The following YEATS2 variants were observed in gnomAD, a reference collection of about 807,000 sequenced individuals.
YEATS2 encodes the protein YEATS domain-containing protein 2.
In YEATS2, 77 loss-of-function variants were observed where a neutral mutation model predicts 163.2. That is an observed-to-expected ratio of 0.47 (90% CI 0.39 to 0.57). YEATS2 has a LOEUF of 0.57. Among genes scored for constraint, YEATS2 ranks in the 20% least tolerant of loss-of-function variants. The pLI is 0.00. For synonymous variants in YEATS2, 631 were observed against 645.1 expected (o/e 0.98, Z 0.33); for missense variants, 1,549 against 1,729.8 (o/e 0.90, Z 1.85).
chr3:183,790,905 G>A lies in YEATS2; in HGVS notation c.3022G>A (p.Ala1008Thr). 6.2e-7 allele frequency: 1 copy of A among 1,614,160 alleles called. No individual in the cohort carries two copies. The highest frequency in any genetic ancestry group is 8.5e-7 in the Non-Finnish European group (1 of 1,180,028). Reference protein sequence around the residue: ...SQATVGTCKAATPTVVSATSL... With the variant: ...SQATVGTCKATTPTVVSATSL... ...GGCCACCGTGGGAACCTGCAAGGCT[G>A]CCACCCCCACCGTCGTCAGCGCCAC... is the stretch of plus-strand genomic sequence containing the variant. Residue 1008 changes from alanine to threonine, a missense_variant, in exon 21 of 31, where the codon GCC (alanine) becomes ACC (threonine). By Grantham distance (58) the Ala-to-Thr change is moderately conservative (BLOSUM62 0). Coordinates refer to ENST00000305135, the MANE Select transcript of YEATS2 (RefSeq NM_018023.5).
At chr3:183,807,942 C>T (rs1418444445) in intron 28 of YEATS2, 88 bp from the exon 29 acceptor site, 28 of 1,120,404 alleles carry the variant, frequency 2.5e-5, no homozygotes, top group Non-Finnish European at 3.7e-5. Flanking sequence ...CCAGGCATCG[C>T]TTTGCATGTC....
chr3:183,720,255 A>G (rs892012384), intron 4 of YEATS2, among the ~76,000 whole-genome samples: 20 of 152,226 alleles, frequency 1.3e-4, no homozygotes, highest in Admixed American at 9.2e-4. Context: ...CATGTAAATG[A>G]AAAATATCTG....
chr3:183,721,624 C>T (rs2109058818), intron 4 of YEATS2, among the ~76,000 whole-genome samples: 1 of 152,234 alleles, frequency 6.6e-6, no homozygotes, highest in African/African-American at 2.4e-5. Flanking sequence ...TCTGTGTTAA[C>T]ATATATTATT....
chr3:183,777,839 ACGTCTGTAAT>A, intron 19 of YEATS2, 139 bp downstream of exon 19: 1 of 1,239,536 alleles, frequency 8.1e-7, no homozygotes, highest in Non-Finnish European at 1.1e-6. Flanking sequence ...GTGGTCGCTC[ACGTCTGTAAT>A]CCCAGCACTT....
chr3:183,704,749 C>T (rs1234140463), intron 1 of YEATS2, among the ~76,000 whole-genome samples: 1 of 152,058 alleles, frequency 6.6e-6, no homozygotes, highest in Non-Finnish European at 1.5e-5. Flanking sequence ...CTGCCTCAGC[C>T]TCCCAAGTAG....
chr3:183,791,180 C>T (rs1191998165), intron 21 of YEATS2, among the ~76,000 whole-genome samples, 200 bp downstream of exon 21: 1 of 152,142 alleles, frequency 6.6e-6, no homozygotes, highest in Non-Finnish European at 1.5e-5. Context: ...ACCACAGGCA[C>T]ATGTCACCAC....
chr3:183,728,401 C>T (rs1181537234), intron 6 of YEATS2, among the ~76,000 whole-genome samples: 1 of 152,204 alleles, frequency 6.6e-6, no homozygotes, highest in African/African-American at 2.4e-5. Flanking sequence ...TGCTATGTTG[C>T]CCAGGCTGAT....
intron 6 of YEATS2, among the ~76,000 whole-genome samples, chr3:183,727,996 C>CA (rs1229730688): frequency 2.0e-5 from 3 of 151,652 alleles, no homozygotes; most frequent in Non-Finnish European, 2.9e-5. Flanking sequence ...ACAACACAAA[C>CA]TTTTAACAGA....
chr3:183,764,266 G>A (rs1340803291), intron 15 of YEATS2, among the ~76,000 whole-genome samples: 1 of 151,336 alleles, frequency 6.6e-6, no homozygotes, highest in Non-Finnish European at 1.5e-5. Flanking sequence ...AACTAGTCAG[G>A]AGGCTGAGGC....
chr3:183,728,220 A>G (rs1031556494), intron 6 of YEATS2, among the ~76,000 whole-genome samples: 1 of 152,170 alleles, frequency 6.6e-6, no homozygotes, highest in South Asian at 2.1e-4. Context: ...GGTGTGGGCC[A>G]CCATGTCCAG....
At chr3:183,765,505 G>A (rs1721814549) in intron 15 of YEATS2, among the ~76,000 whole-genome samples, 2 of 152,212 alleles carry the variant, frequency 1.3e-5, no homozygotes, top group Admixed American at 6.5e-5. Flanking sequence ...CCACAGCAAA[G>A]TGTGAAGGAA....
rs1577220119 is a variant in YEATS2, at chr3:183,800,550, T to C, written c.3410T>C (p.Leu1137Pro). 1 of 1,613,792 alleles carries C rather than the reference T, an allele frequency of 6.2e-7. No homozygotes were observed. The highest frequency in any genetic ancestry group is 8.5e-7 in the Non-Finnish European group (1 of 1,179,826). Reference protein sequence around the residue: ...TAVKTEESSELGNYVIKIDHL... With the variant: ...TAVKTEESSEPGNYVIKIDHL... ...GTGAAAACAGAAGAAAGTTCTGAGC[T>C]GGGAAACTATGTCATTAAGTAATTC... is the stretch of plus-strand genomic sequence containing the variant. The change falls in exon 24 of 31, where the codon CTG (leucine) becomes CCG (proline). Residue 1137 changes from leucine to proline, a missense_variant. Physicochemically the swap from Leu to Pro is moderately conservative, Grantham distance 98. Coordinates refer to ENST00000305135, the MANE Select transcript of YEATS2 (RefSeq NM_018023.5).
rs373955433 is a variant in YEATS2 at position 183,788,175 on chromosome 3, C to G, written c.2913+1874C>G. Among the ~76,000 whole-genome samples the G allele has an allele frequency of 1.5e-3, 227 of 152,014 alleles. 1 individual carries two copies. Among genetic ancestry groups the G allele is most frequent in the African/African-American group, 4.8e-3 (197 of 41,432 alleles). On this transcript the variant is annotated intron_variant, in intron 20 of 30. Coordinates refer to ENST00000305135, the MANE Select transcript of YEATS2 (RefSeq NM_018023.5). The stretch of plus-strand genomic sequence containing the variant: ...TTTAAACCAATTGTATTCTTTGTGA[C>G]TGTAAAATATATAAGAAATTATTGT...
chr3:183,787,263 C>T (rs1369476813), intron 20 of YEATS2, among the ~76,000 whole-genome samples: 1 of 152,058 alleles, frequency 6.6e-6, no homozygotes. Context: ...GTGATAACTC[C>T]TTTTAACTTT....
At chr3:183,768,840 C>T (rs759555772) in intron 15 of YEATS2, among the ~76,000 whole-genome samples, 7 of 152,070 alleles carry the variant, frequency 4.6e-5, no homozygotes, top group East Asian at 3.9e-4. Flanking sequence ...GGTGTGGTGG[C>T]GTGTGCCCAT....
intron 21 of YEATS2, among the ~76,000 whole-genome samples, chr3:183,791,888 AG>A (rs1434550616): frequency 6.6e-6 from 1 of 152,180 alleles, no homozygotes; most frequent in Non-Finnish European, 1.5e-5. Flanking sequence ...ACATTGCCTT[AG>A]TTGAAGTGAT....
intron 30 of YEATS2, chr3:183,810,100 G>T: frequency 4.8e-6 from 1 of 208,774 alleles, no homozygotes; most frequent in Non-Finnish European, 9.7e-6. Context: ...GCCTGGCGTG[G>T]CTCCGTCTCC....
chr3:183,759,675 CCAA>C (rs1721143196), intron 13 of YEATS2, among the ~76,000 whole-genome samples: 1 of 152,184 alleles, frequency 6.6e-6, no homozygotes, highest in Non-Finnish European at 1.5e-5. Flanking sequence ...TTACAGTGGT[CCAA>C]CTTAACGATT....
rs766958187 is a variant in YEATS2, at chr3:183,804,129, G to T, written c.3725G>T (p.Ser1242Ile). Reference protein sequence around the residue: ...CHGYTPPDPESLRNDGDSIED... With the variant: ...CHGYTPPDPEILRNDGDSIED... ...GGCTACACCCCACCGGACCCTGAGA[G>T]CCTGAGGAATGACGGGGACTCCATC... The change falls in exon 27 of 31, where the codon AGC (serine) becomes ATC (isoleucine). Residue 1242 changes from serine (S) to isoleucine (I), a missense_variant. Coordinates refer to ENST00000305135, the MANE Select transcript of YEATS2 (RefSeq NM_018023.5). 40 of 1,614,042 alleles carry T rather than the reference G, an allele frequency of 2.5e-5. No individual in the cohort carries two copies. The highest frequency in any genetic ancestry group is 3.1e-5 in the Non-Finnish European group (37 of 1,180,040).
Sources: gnomAD v4.1 joint callset for allele counts (sites outside exome capture counted in the v4.1 genomes callset) on GRCh38, gnomAD v4.1.1 for gene constraint, MANE v1.5 for transcripts, NCBI Gene and HGNC (gene_info 2026-07-23, HGNC 2026-07-21) for gene names.